Variants in CLU observed in about 807,000 individuals in gnomAD.
CLU encodes the protein clusterin.
Under a neutral mutation model 46.4 loss-of-function variants are expected in CLU, and 25 were observed. The ratio of observed to expected loss-of-function variants is 0.54; its 90% confidence interval spans 0.39 to 0.75. The LOEUF (loss-of-function observed/expected upper bound fraction) is 0.75. Ranked by LOEUF, CLU falls within the 30% of genes least tolerant of loss-of-function variation. CLU has a pLI of 0.00. For missense variants in CLU, 504 were observed against 592.1 expected, an observed-to-expected ratio of 0.85 and a Z score of 1.54; for synonymous variants, 235 against 235.1, an observed-to-expected ratio of 1.00 and a Z score of 0.00.
chr8:27,613,960 C>G (rs1295071225), intron 1 of CLU: 1 of 152,172 alleles, frequency 6.6e-6, no homozygotes, highest in East Asian at 1.9e-4. Flanking sequence ...AATCCCAATT[C>G]TGATACTTAT....
Position 27,607,079 on chromosome 8 carries a change from T to C in CLU, c.247-555A>G, listed in dbSNP as rs141751304. On this transcript the variant is annotated intron_variant, in intron 3 of 8. Coordinates refer to ENST00000316403, the MANE Select transcript of CLU (RefSeq NM_001831.4). Reference sequence around the variant, plus strand: ...CAGGCCAGGTGCGGCAGCTGACACCTGTAATCCCAGCACTTTGGGAGGCCG... The same window carrying C: ...CAGGCCAGGTGCGGCAGCTGACACCCGTAATCCCAGCACTTTGGGAGGCCG... Among the ~76,000 whole-genome samples the C allele has an allele frequency of 7.8e-4, 119 of 152,326 alleles. 1 individual carries two copies. The East Asian group carries it at 0.022, about 29-fold the overall frequency.
In CLU at chr8:27,601,660, T is replaced by A. The variant is rs75728419; in HGVS notation, c.935-1651A>T. 6.2e-3 allele frequency among the ~76,000 whole-genome samples: 937 copies of A among 152,260 alleles called. 10 individuals carry two copies. Among genetic ancestry groups the A allele is most frequent in the African/African-American group, 0.021 (883 of 41,530 alleles). On this transcript the variant is annotated intron_variant, in intron 6 of 8. Transcript: ENST00000316403. ...CAAACGTGAGTCAGGGGAAGGGAGATTTTGCATATGCTTTAGGATGATGAC... is the reference window on the plus strand; with the variant it reads ...CAAACGTGAGTCAGGGGAAGGGAGAATTTGCATATGCTTTAGGATGATGAC...
rs969139494 is a variant in CLU, at chr8:27,598,055, A to G, written c.*186T>C. ...ATGCAGGAGCAATTCTGTTCTTCCC[A>G]TGAGCAGCAGAGTCGAGTGTTAGAG... On this transcript the variant is annotated 3_prime_UTR_variant, in exon 9 of 9. Coordinates refer to ENST00000316403, the MANE Select transcript of CLU (RefSeq NM_001831.4). 16 of 710,888 alleles carry G rather than the reference A, an allele frequency of 2.3e-5. No individual in the cohort carries two copies. In the African/African-American group the frequency reaches 2.6e-4, roughly 12 times the overall value. The allele number at this position is 710,888 out of a possible 1,614,324, so 44.0% of individuals were successfully genotyped here. A position where few individuals can be genotyped will look rare whatever the true frequency, so the allele number is the denominator to read the frequency against.
chr8:27,606,304 C>A, intron 4 of CLU, 50 bp downstream of exon 4: 1 of 1,598,800 alleles, frequency 6.3e-7, no homozygotes, highest in Non-Finnish European at 8.6e-7. Context: ...TCACTAGGCT[C>A]CCCTCCTTCC....
rs1284054844 is a variant in CLU, at chr8:27,604,320, C to T, written c.905G>A (p.Cys302Tyr). ...AGACAAGATCTCCCGGCACTTGTCA[C>T]ACTGGTCCTTCATCCGCAGGCAGCC... ...STGCLRMKDQ[C>Y]DKCREILSVD... The change falls in exon 6 of 9, where the codon TGT (cysteine) becomes TAT (tyrosine). Residue 302 changes from cysteine to tyrosine, a missense_variant. This residue lies in a region of CLU where 428 missense variants were observed against 484.0 expected (regional missense o/e 0.88). Coordinates refer to ENST00000316403, the MANE Select transcript of CLU (RefSeq NM_001831.4). The T allele has an allele frequency of 6.2e-7, 1 of 1,614,206 alleles. No individual in the cohort carries two copies. Among genetic ancestry groups the T allele is most frequent in the Middle Eastern group, 1.6e-4 (1 of 6,062 alleles).
intron 7 of CLU, 194 bp from the exon 8 acceptor site, chr8:27,598,829 CT>C (rs1448442101): frequency 1.6e-6 from 1 of 615,704 alleles, no homozygotes; most frequent in African/African-American, 1.8e-5. Flanking sequence ...TTCACAGACA[CT>C]CATGTGTTGG....
At chr8:27,608,808 A>C (rs1800868200) in intron 3 of CLU, 130 bp downstream of exon 3, 2 of 933,256 alleles carry the variant, frequency 2.1e-6, no homozygotes, top group East Asian at 4.8e-5. Context: ...TTGCAGCCTC[A>C]GCATCAGCTG....
intron 5 of CLU, 33 bp downstream of exon 5, chr8:27,604,891 C>T: frequency 6.2e-7 from 1 of 1,613,426 alleles, no homozygotes. Context: ...TAACGAGTTG[C>T]TCAAAAGGCC....
chr8:27,598,540 A>G lies in CLU; in HGVS notation c.1260T>C (p.Pro420=). The part of the protein sequence containing the change: ...FDSDPITVTV[P]VEVSRKNPKF... The stretch of plus-strand genomic sequence containing the variant: ...TAGGGTTCTTCCTGGAGACTTCTAC[A>G]GGGACCGTCACAGTGATGGGATCAG... The change falls in exon 8 of 9, where the codon CCT becomes CCC. Residue 420 remains proline, a synonymous_variant. Transcript: ENST00000316403. 3 of 1,614,158 alleles carry G rather than the reference A, an allele frequency of 1.9e-6. No homozygotes were observed. The highest frequency in any genetic ancestry group is 2.5e-6 in the Non-Finnish European group (3 of 1,180,020).
intron 3 of CLU, chr8:27,608,642 C>T: frequency 3.7e-6 from 2 of 543,610 alleles, no homozygotes; most frequent in Non-Finnish European, 6.6e-6. Context: ...CCACCCCATC[C>T]AGAGCCTGCT....
intron 1 of CLU, 22 bp from the exon 2 acceptor site, chr8:27,610,622 C>G: frequency 6.3e-7 from 1 of 1,578,690 alleles, no homozygotes; most frequent in Non-Finnish European, 8.7e-7. Context: ...AGGAGACCAT[C>G]ATGGGAACAG....
In CLU at chr8:27,598,898, T is replaced by C. The variant is rs1585250376; in HGVS notation, c.1165-263A>G. 4 of 488,354 alleles carry C rather than the reference T, an allele frequency of 8.2e-6. No homozygotes were observed. The East Asian group carries it at 1.5e-4, about 18-fold the overall frequency. 30.3% of individuals were successfully genotyped at this position (488,354 alleles called of 1,614,324 possible). A position where few individuals can be genotyped will look rare whatever the true frequency, so the allele number is the denominator to read the frequency against. ...GAGCACCCCAAAGAATAAAAGTGGT[T>C]TCCAAACATTTGCTTTAGAAGCAGC... On this transcript the variant is annotated intron_variant, in intron 7 of 8. Transcript: ENST00000316403.
At chr8:27,613,230 T>TA (rs1419132428) in intron 1 of CLU, among the ~76,000 whole-genome samples, 2 of 151,794 alleles carry the variant, frequency 1.3e-5, no homozygotes, top group Non-Finnish European at 2.9e-5. Context: ...CTACTAAAAA[T>TA]ACAAAAATTA....
Position 27,608,938 on chromosome 8 carries a change from C to T in CLU, c.246G>A (p.Glu82=), listed in dbSNP as rs201659884. The change falls in exon 3 of 9, where the codon GAG becomes GAA. Residue 82 remains glutamate (E), a splice_region_variant and synonymous_variant. Transcript: ENST00000316403. ...GGAGGCGGTAGCGGCTCCTCCTGACCTCTTTCTTCTTCTTGGCTTCTTCTA... is the reference window on the plus strand; with the variant it reads ...GGAGGCGGTAGCGGCTCCTCCTGACTTCTTTCTTCTTCTTGGCTTCTTCTA... ...SNLEEAKKKK[E]DALNETRESE... The T allele has an allele frequency of 1.9e-6, 3 of 1,614,204 alleles. No homozygotes were observed. The highest frequency in any genetic ancestry group is 1.7e-6 in the Non-Finnish European group (2 of 1,180,034).
Position 27,598,546 on chromosome 8 carries a change from C to A in CLU, c.1254G>T (p.Thr418=). 1 of 1,614,080 alleles carries A rather than the reference C, an allele frequency of 6.2e-7. No homozygotes were observed. The highest frequency in any genetic ancestry group is 8.5e-7 in the Non-Finnish European group (1 of 1,179,958). The part of the protein sequence containing the change: ...KLFDSDPITV[T]VPVEVSRKNP... ...TCTTCCTGGAGACTTCTACAGGGAC[C>A]GTCACAGTGATGGGATCAGAGTCAA... Residue 418 remains threonine, a synonymous_variant, in exon 8 of 9, where the codon ACG becomes ACT. Transcript: ENST00000316403.
chr8:27,601,210 G>C (rs985492349), intron 6 of CLU, among the ~76,000 whole-genome samples: 4 of 152,158 alleles, frequency 2.6e-5, no homozygotes, highest in Middle Eastern at 3.2e-3. Context: ...CACCACCCCC[G>C]GGTGATTTTT....
chr8:27,614,124 G>C (rs1000373120), intron 1 of CLU: 1 of 152,250 alleles, frequency 6.6e-6, no homozygotes, highest in Non-Finnish European at 1.5e-5. Flanking sequence ...AGAAAAAGTC[G>C]GATTTCGGTG....
At chr8:27,603,823 TCTG>T (rs1800764123) in intron 6 of CLU, among the ~76,000 whole-genome samples, 1 of 152,134 alleles carries the variant, frequency 6.6e-6, no homozygotes, top group Non-Finnish European at 1.5e-5. Flanking sequence ...AGAGGGTCAT[TCTG>T]AGGAAATGAG....
intron 6 of CLU, among the ~76,000 whole-genome samples, chr8:27,601,760 T>C (rs1402425903): frequency 6.6e-6 from 1 of 151,968 alleles, no homozygotes; most frequent in African/African-American, 2.4e-5. Context: ...AGTTTGAAAA[T>C]AAATATGTAA....
Sources: allele counts gnomAD v4.1 joint callset (sites outside exome capture counted in the v4.1 genomes callset), GRCh38; gene constraint gnomAD v4.1.1; regional missense constraint gnomAD v4.1.1; transcripts MANE v1.5; gene names NCBI Gene and HGNC (gene_info 2026-07-23, HGNC 2026-07-21).